PCDH7: variants seen among roughly 807,000 people sequenced by gnomAD.
The protein encoded by PCDH7 is protocadherin 7, also known as protocadherin-7.
In PCDH7, 17 loss-of-function variants were observed where a neutral mutation model predicts 58.9. That is an observed-to-expected ratio of 0.29 (90% CI 0.20 to 0.43). The LOEUF (loss-of-function observed/expected upper bound fraction) is 0.43, where lower values mean the gene tolerates loss of function less well. Ranked by LOEUF, PCDH7 falls within the 20% of genes least tolerant of loss-of-function variation. PCDH7 has a pLI of 1.00. For synonymous variants in PCDH7, 664 were observed against 616.4 expected (o/e 1.08, Z -1.14); for missense variants, 1,274 against 1,441.0 (o/e 0.88, Z 1.88).
chr4:30,942,109 C>T (rs11734204), intron 2 of PCDH7, among the ~76,000 whole-genome samples: 13,727 of 151,662 alleles, frequency 0.091, 761 homozygotes, highest in Non-Finnish European at 0.12. Flanking sequence ...ATATATCCAG[C>T]GAAACTAGGA....
chr4:30,891,267 T>C (rs75408379), intron 1 of PCDH7, among the ~76,000 whole-genome samples: 2,048 of 152,210 alleles, frequency 0.013, 56 homozygotes, highest in African/African-American at 0.047. Flanking sequence ...CATTTTGGAA[T>C]TGCATTGACT....
chr4:30,980,705 G>C (rs1261121749), intron 3 of PCDH7, among the ~76,000 whole-genome samples: 1 of 151,970 alleles, frequency 6.6e-6, no homozygotes, highest in Admixed American at 6.6e-5. Flanking sequence ...AACAATTTCT[G>C]TCTTTTCAAA....
intron 1 of PCDH7, among the ~76,000 whole-genome samples, chr4:30,749,446 C>T (rs938290318): frequency 5.3e-5 from 8 of 152,062 alleles, no homozygotes; most frequent in Admixed American, 2.6e-4. Flanking sequence ...AACTCTGAAA[C>T]GCATTAAGCA....
Position 30,748,894 on chromosome 4 carries a change from T to C in PCDH7, c.70+24298T>C, listed in dbSNP as rs187298489. ...CACTGAATGGACAGCCTGATGGGTG[T>C]TCTCTGGGACAACTTAAAGGAAATA... is the stretch of plus-strand genomic sequence containing the variant. On this transcript the variant is annotated intron_variant, in intron 1 of 3. Coordinates refer to the PCDH7 transcript ENST00000509759. 1.1e-3 allele frequency among the ~76,000 whole-genome samples: 173 copies of C among 152,218 alleles called. 1 individual carries two copies. Among genetic ancestry groups the C allele is most frequent in the African/African-American group, 3.7e-3 (155 of 41,554 alleles).
At position 31,120,414 on chromosome 4, in the gene PCDH7, T is replaced by C. The variant is rs137999863; in HGVS notation, c.*8-22059T>C. Among the ~76,000 whole-genome samples the C allele has an allele frequency of 1.5e-3, 220 of 148,122 alleles. 2 individuals are homozygous for C. The highest frequency in any genetic ancestry group is 5.2e-3 in the African/African-American group (211 of 40,202). On this transcript the variant is annotated intron_variant, in intron 3 of 3. Transcript: ENST00000509759. The stretch of plus-strand genomic sequence containing the variant: ...TTTTTTTTTTCCTTTCAGTCTTGTC[T>C]TTCGTTGTTTTTCTTTCTATTTTTT...
downstream of PCDH7, chr4:31,146,316 C>G (rs1211474461): frequency 6.6e-6 from 1 of 151,252 alleles, no homozygotes; most frequent in Non-Finnish European, 1.5e-5. Flanking sequence ...GGTATATGCT[C>G]TCAGTGAGAA....
At chr4:30,761,095 G>A (rs552694389) in intron 1 of PCDH7, among the ~76,000 whole-genome samples, 26 of 152,284 alleles carry the variant, frequency 1.7e-4, no homozygotes, top group African/African-American at 5.8e-4. Flanking sequence ...GTCTCATTAG[G>A]CACTAAGTAG....
intron 1 of PCDH7, among the ~76,000 whole-genome samples, chr4:30,830,925 C>G (rs1036080895): frequency 1.3e-5 from 2 of 152,086 alleles, no homozygotes; most frequent in African/African-American, 4.8e-5. Flanking sequence ...TCATTCCACT[C>G]TCTCCATCTT....
chr4:30,887,060 G>C (rs754385754), intron 1 of PCDH7, among the ~76,000 whole-genome samples: 2 of 151,000 alleles, frequency 1.3e-5, no homozygotes, highest in Non-Finnish European at 2.9e-5. Context: ...CAGCGCACCA[G>C]CATGGCACAT....
In PCDH7 at chr4:30,844,049, C is replaced by T. The variant is rs547820894; in HGVS notation, c.71-76104C>T. Among the ~76,000 whole-genome samples the T allele has an allele frequency of 3.3e-5, 5 of 152,284 alleles. No homozygotes were observed. The East Asian group carries it at 7.7e-4, about 23-fold the overall frequency. ...CACTGTATGGTTCTCTTGCTTCCAG[C>T]GTCCAGGGAGTTTCTTAGCTGAAAA... is the stretch of plus-strand genomic sequence containing the variant. On this transcript the variant is annotated intron_variant, in intron 1 of 3. Coordinates refer to the PCDH7 transcript ENST00000509759.
At chr4:31,042,736 TA>T (rs1321435192) in intron 3 of PCDH7, among the ~76,000 whole-genome samples, 16 of 152,018 alleles carry the variant, frequency 1.1e-4, no homozygotes, top group Admixed American at 1.0e-3. Flanking sequence ...GTGGATAACA[TA>T]AAAAAAGAGA....
chr4:30,898,735 C>T (rs773326372), intron 1 of PCDH7, among the ~76,000 whole-genome samples: 31 of 152,218 alleles, frequency 2.0e-4, no homozygotes, highest in Non-Finnish European at 3.4e-4. Context: ...GGACTACAGG[C>T]GCCCGCCACC....
chr4:30,796,690 C>A (rs558765826), intron 1 of PCDH7, among the ~76,000 whole-genome samples: 1 of 152,260 alleles, frequency 6.6e-6, no homozygotes, highest in South Asian at 2.1e-4. Flanking sequence ...GCTTTTAATA[C>A]GTAAATTTTA....
At chr4:31,121,295 A>G (rs1380945020) in intron 3 of PCDH7, among the ~76,000 whole-genome samples, 1 of 152,212 alleles carries the variant, frequency 6.6e-6, no homozygotes, top group Non-Finnish European at 1.5e-5. Flanking sequence ...TATATAAATT[A>G]TCTATCTTTT....
At chr4:31,053,132 A>G (rs1200086196) in intron 3 of PCDH7, among the ~76,000 whole-genome samples, 1 of 152,106 alleles carries the variant, frequency 6.6e-6, no homozygotes, top group Non-Finnish European at 1.5e-5. Flanking sequence ...TAAAAATTAA[A>G]TATGATGTAT....
chr4:30,822,449 G>T (rs1425620760), intron 1 of PCDH7, among the ~76,000 whole-genome samples: 2 of 151,974 alleles, frequency 1.3e-5, no homozygotes, highest in Admixed American at 6.6e-5. Flanking sequence ...CTGCGTAAAA[G>T]GTCAGGTGCT....
At chr4:31,085,265 GGGGCCAGCT>G (rs1360362323) in intron 3 of PCDH7, among the ~76,000 whole-genome samples, 1 of 152,052 alleles carries the variant, frequency 6.6e-6, no homozygotes, top group African/African-American at 2.4e-5. Flanking sequence ...TGATTTGGGT[GGGGCCAGCT>G]GGTCCATCAA....
At chr4:30,921,394 G>C (rs779975863) in intron 2 of PCDH7, among the ~76,000 whole-genome samples, 1 of 151,990 alleles carries the variant, frequency 6.6e-6, no homozygotes, top group African/African-American at 2.4e-5. Flanking sequence ...CTTTAGTGCT[G>C]ATATATATGC....
At chr4:30,923,491 T>G (rs919407211) in intron 2 of PCDH7, among the ~76,000 whole-genome samples, 2 of 152,174 alleles carry the variant, frequency 1.3e-5, no homozygotes, top group African/African-American at 4.8e-5. Context: ...TTACGCTATA[T>G]TCTAAAACAC....
Sources: allele counts gnomAD v4.1 joint callset (sites outside exome capture counted in the v4.1 genomes callset), GRCh38; gene constraint gnomAD v4.1.1; transcripts MANE v1.5; gene names NCBI Gene and HGNC (gene_info 2026-07-23, HGNC 2026-07-21).